Variants in PEMT observed in about 807,000 individuals in gnomAD.
The protein encoded by PEMT is phosphatidylethanolamine N-methyltransferase.
PEMT carries 23 observed loss-of-function variants against 27.4 expected under a neutral mutation model. That is an observed-to-expected ratio of 0.84 (90% CI 0.60 to 1.19). The LOEUF is 1.19. Among genes scored for constraint, PEMT ranks in the 50% most tolerant of loss-of-function variants. The probability of loss-of-function intolerance (pLI) is 0.00; values close to 1 mark genes in which losing one functional copy is unlikely to be tolerated. For missense variants in PEMT, 307 were observed against 310.1 expected, an observed-to-expected ratio of 0.99 and a Z score of 0.07; for synonymous variants, 137 against 139.1, an observed-to-expected ratio of 0.98 and a Z score of 0.11.
At chr17:17,578,940 T>A (rs539271958) in intron 1 of PEMT, among the ~76,000 whole-genome samples, 35 of 152,244 alleles carry the variant, frequency 2.3e-4, no homozygotes, top group Admixed American at 1.8e-3. Context: ...AAAATTTTTT[T>A]AAAAAATTAA....
chr17:17,583,033 G>A (rs1597966819), intron 1 of PEMT, among the ~76,000 whole-genome samples: 1 of 151,018 alleles, frequency 6.6e-6, no homozygotes, highest in African/African-American at 2.4e-5. Flanking sequence ...CTGCACTCCA[G>A]CCTGGATGAC....
intron 1 of PEMT, among the ~76,000 whole-genome samples, chr17:17,584,890 A>G (rs1187300945): frequency 1.3e-5 from 2 of 152,198 alleles, no homozygotes; most frequent in Non-Finnish European, 2.9e-5. Context: ...TAGAGGTGCC[A>G]TGGGACGCCA....
intron 2 of PEMT, among the ~76,000 whole-genome samples, chr17:17,533,816 C>T (rs1019054003): frequency 3.3e-5 from 5 of 151,962 alleles, no homozygotes; most frequent in Non-Finnish European, 5.9e-5. Context: ...CTGCAACCTC[C>T]GTCTCCCAAG....
rs182783223 is a variant in PEMT at position 17,577,557 on chromosome 17, C to T, written c.97-530G>A. The T allele has an allele frequency of 3.1e-4, 305 of 989,174 alleles. 3 individuals carry two copies. In the South Asian group the frequency reaches 0.01, roughly 34 times the overall value. 61.3% of individuals were successfully genotyped at this position (989,174 alleles called of 1,614,324 possible). A position where few individuals can be genotyped will look rare whatever the true frequency, so the allele number is the denominator to read the frequency against. Reference sequence around the variant, plus strand: ...GTGTGTGCCCACATCCCGGCCACGCCACCCGCATACGGGGGGCACGTGGAC... The same window carrying T: ...GTGTGTGCCCACATCCCGGCCACGCTACCCGCATACGGGGGGCACGTGGAC... On this transcript the variant is annotated intron_variant, in intron 1 of 6. Transcript: ENST00000255389.
intron 2 of PEMT, among the ~76,000 whole-genome samples, chr17:17,524,353 CTGTT>C (rs1907512247): frequency 6.6e-6 from 1 of 152,166 alleles, no homozygotes; most frequent in Non-Finnish European, 1.5e-5. Flanking sequence ...AGCTGTGAAA[CTGTT>C]TGCCACAGTG....
intron 1 of PEMT, among the ~76,000 whole-genome samples, chr17:17,585,025 C>G (rs1912169718): frequency 6.6e-6 from 1 of 152,238 alleles, no homozygotes; most frequent in Non-Finnish European, 1.5e-5. Flanking sequence ...GCGAGGCATG[C>G]CCACTCTTCA....
Position 17,562,159 on chromosome 17 carries a change from G to A in PEMT, c.204+14761C>T, listed in dbSNP as rs553542860. Among the ~76,000 whole-genome samples, 7 of 152,380 alleles carry A rather than the reference G, an allele frequency of 4.6e-5. No homozygotes were observed. The South Asian group carries it at 1.4e-3, about 32-fold the overall frequency. On this transcript the variant is annotated intron_variant, in intron 2 of 6. Coordinates refer to ENST00000255389, the MANE Select transcript of PEMT (RefSeq NM_148172.3). ...AGAGGCATAGGGGGCATGAAGCACA[G>A]GGCGGGACCAGCTCTGCACACACGG...
chr17:17,512,060 A>G lies in PEMT; in HGVS notation c.466+449T>C, dbSNP rs546542785. Among the ~76,000 whole-genome samples the G allele has an allele frequency of 4.5e-4, 68 of 152,026 alleles. 1 individual carries two copies. The South Asian group carries it at 0.014, about 31-fold the overall frequency. ...GCGGCCAAACACGGCACAAACCACA[A>G]TCCTGCCTGGCCTGAGAGCCACGCG... On this transcript the variant is annotated intron_variant, in intron 4 of 6. Coordinates refer to ENST00000255389, the MANE Select transcript of PEMT (RefSeq NM_148172.3). This position sits in a 1 kb window ranked among gnomAD's most constrained non-coding sequence, Gnocchi z 6.3.
intron 2 of PEMT, among the ~76,000 whole-genome samples, chr17:17,551,451 G>T (rs58167365): frequency 0.029 from 4,446 of 152,356 alleles, 162 homozygotes; most frequent in African/African-American, 0.087. Context: ...GCCCAGCAGG[G>T]TGGAGAAGCT....
chr17:17,570,407 C>T, intron 2 of PEMT: 18 of 639,548 alleles, frequency 2.8e-5, no homozygotes, highest in East Asian at 1.4e-4. Flanking sequence ...CTGGAAACCA[C>T]TCAGATGGCC....
intron 2 of PEMT, among the ~76,000 whole-genome samples, chr17:17,547,812 G>C (rs1009274854): frequency 4.6e-5 from 7 of 152,166 alleles, no homozygotes; most frequent in African/African-American, 1.7e-4. Context: ...TCTCGGACTT[G>C]GTATTTAAGT....
chr17:17,574,884 A>G (rs1320109974), intron 2 of PEMT, among the ~76,000 whole-genome samples: 1 of 152,192 alleles, frequency 6.6e-6, no homozygotes, highest in Non-Finnish European at 1.5e-5. Context: ...TCCGGCTGTA[A>G]GAGCCCAACA....
rs887594489 is a variant in PEMT at position 17,512,201 on chromosome 17, T to C, written c.466+308A>G. On this transcript the variant is annotated intron_variant, in intron 4 of 6. Coordinates refer to ENST00000255389, the MANE Select transcript of PEMT (RefSeq NM_148172.3). This position sits in a 1 kb window ranked among gnomAD's most constrained non-coding sequence, Gnocchi z 6.3. Reference sequence around the variant, plus strand: ...TGCTGGAGCTGGACTCAAGGAGTCCTGCACCCAGCCCGGGCCGCAGAACGG... The same window carrying C: ...TGCTGGAGCTGGACTCAAGGAGTCCCGCACCCAGCCCGGGCCGCAGAACGG... Among the ~76,000 whole-genome samples the C allele has an allele frequency of 2.6e-5, 4 of 152,204 alleles. No homozygotes were observed. Among genetic ancestry groups the C allele is most frequent in the Non-Finnish European group, 4.4e-5 (3 of 68,032 alleles).
chr17:17,544,758 C>G (rs1234914620), intron 2 of PEMT, among the ~76,000 whole-genome samples: 1 of 152,154 alleles, frequency 6.6e-6, no homozygotes, highest in Non-Finnish European at 1.5e-5. Flanking sequence ...GCGGCTTTCT[C>G]CACTTCCCAA....
At chr17:17,575,338 C>T (rs756776504) in intron 2 of PEMT, among the ~76,000 whole-genome samples, 1 of 152,236 alleles carries the variant, frequency 6.6e-6, no homozygotes, top group African/African-American at 2.4e-5. Context: ...CTCCCCAGCT[C>T]AAGCTCCTTG....
At chr17:17,531,621 C>CAAAAAAAAAAAAA (rs58165466) in intron 2 of PEMT, among the ~76,000 whole-genome samples, 6 of 62,410 alleles carry the variant, frequency 9.6e-5, no homozygotes, top group Admixed American at 5.0e-4. Context: ...CTATCATATG[C>CAAAAAAAAAAAAA]AAAAAAAAAA....
At chr17:17,522,183 C>T (rs967456932) in intron 3 of PEMT, 97 bp downstream of exon 3, 80 of 859,908 alleles carry the variant, frequency 9.3e-5, no homozygotes, top group Non-Finnish European at 1.9e-6. Context: ...AGTGCTCAGA[C>T]ACAAGGCTCC....
At chr17:17,534,671 C>T (rs2142575806) in intron 2 of PEMT, among the ~76,000 whole-genome samples, 1 of 152,240 alleles carries the variant, frequency 6.6e-6, no homozygotes. Context: ...ACCCCCATCT[C>T]TACAAAAATA....
At chr17:17,509,760 G>A (rs1352811839) in intron 4 of PEMT, among the ~76,000 whole-genome samples, 1 of 152,170 alleles carries the variant, frequency 6.6e-6, no homozygotes, top group Non-Finnish European at 1.5e-5. Context: ...CTAAGGTGCT[G>A]AGCACCGCCC....
Sources: gnomAD v4.1 joint callset for allele counts (sites outside exome capture counted in the v4.1 genomes callset) on GRCh38, gnomAD v4.1.1 for gene constraint, Gnocchi (gnomAD v3.1) non-coding constraint, MANE v1.5 for transcripts, NCBI Gene and HGNC (gene_info 2026-07-23, HGNC 2026-07-21) for gene names.